GPHN: variants seen among roughly 807,000 people sequenced by gnomAD.
The protein encoded by GPHN is gephyrin.
A neutral mutation model predicts 95.5 loss-of-function variants in GPHN; 17 were observed. That is an observed-to-expected ratio of 0.18 (90% CI 0.12 to 0.27). GPHN has a LOEUF of 0.27. GPHN is among the 10% of genes least tolerant of loss of function. The pLI, the probability that GPHN is intolerant of heterozygous loss-of-function variation, is 1.00. For synonymous variants in GPHN, 320 were observed against 322.5 expected (o/e 0.99, Z 0.08); for missense variants, 660 against 978.1 (o/e 0.67, Z 4.34).
chr14:67,421,010 T>A, the GPHN span, among the ~76,000 whole-genome samples: 1 of 152,278 alleles, frequency 6.6e-6, no homozygotes, highest in East Asian at 1.9e-4. Flanking sequence ...AGGGACCACA[T>A]CTTGAGTGGC....
chr14:67,256,727 A>G, the GPHN span, among the ~76,000 whole-genome samples: 1 of 151,874 alleles, frequency 6.6e-6, no homozygotes, highest in African/African-American at 2.4e-5. Context: ...TTTGTATTTT[A>G]GTAGAGACAG....
chr14:66,936,380 A>G (rs1452900576), intron 8 of GPHN, among the ~76,000 whole-genome samples: 1 of 152,150 alleles, frequency 6.6e-6, no homozygotes, highest in Non-Finnish European at 1.5e-5. Flanking sequence ...CATCTCAAAA[A>G]AAAAAAGAAA....
the GPHN span, among the ~76,000 whole-genome samples, chr14:67,389,039 T>C: frequency 6.6e-6 from 1 of 151,704 alleles, no homozygotes; most frequent in South Asian, 2.1e-4. Context: ...TACACAAATC[T>C]AGTATGTGCC....
chr14:67,266,690 A>T, the GPHN span, among the ~76,000 whole-genome samples: 2 of 152,148 alleles, frequency 1.3e-5, no homozygotes, highest in African/African-American at 4.8e-5. Flanking sequence ...TTCTGCAAAG[A>T]TAGGTCATTC....
At chr14:67,485,826 TGAG>T in the GPHN span, among the ~76,000 whole-genome samples, 96 of 152,318 alleles carry the variant, frequency 6.3e-4, 5 homozygotes, top group Admixed American at 2.0e-4. Flanking sequence ...CTTGTCTCGC[TGAG>T]GAGGAGATGC....
chr14:66,530,499 A>C (rs1162302753), intron 1 of GPHN, among the ~76,000 whole-genome samples: 1 of 152,036 alleles, frequency 6.6e-6, no homozygotes, highest in Non-Finnish European at 1.5e-5. Flanking sequence ...GGGTATGAAA[A>C]AAAAACAAAA....
At chr14:67,225,056 C>T in the GPHN span, 44 of 1,381,078 alleles carry the variant, frequency 3.2e-5, no homozygotes, top group Middle Eastern at 1.8e-4. Context: ...TTTTTTCTTT[C>T]TCACTTCCTC....
intron 2 of GPHN, among the ~76,000 whole-genome samples, chr14:66,751,761 CATTGGCTTCAACTTAA>C (rs1251618590): frequency 6.6e-6 from 1 of 152,086 alleles, no homozygotes; most frequent in Non-Finnish European, 1.5e-5. Flanking sequence ...GGTCAATGAG[CATTGGCTTCAACTTAA>C]AGTCACTAGC....
At chr14:66,514,930 G>A (rs1469308758) in intron 1 of GPHN, among the ~76,000 whole-genome samples, 1 of 152,010 alleles carries the variant, frequency 6.6e-6, no homozygotes, top group East Asian at 1.9e-4. Flanking sequence ...AGATAGACTT[G>A]GACTTCAGAC....
chr14:67,356,652 C>G, the GPHN span, among the ~76,000 whole-genome samples: 1 of 152,170 alleles, frequency 6.6e-6, no homozygotes, highest in Non-Finnish European at 1.5e-5. Flanking sequence ...TTGAACCAGA[C>G]TTTTGATTCC....
At chr14:66,887,994 C>T (rs866421051) in intron 5 of GPHN, among the ~76,000 whole-genome samples, 6 of 152,058 alleles carry the variant, frequency 3.9e-5, no homozygotes, top group African/African-American at 1.4e-4. Flanking sequence ...AGAATGGACA[C>T]AGCTGAGGAA....
the GPHN span, chr14:67,647,972 C>T: frequency 7.1e-7 from 1 of 1,406,186 alleles, no homozygotes; most frequent in Non-Finnish European, 9.7e-7. Flanking sequence ...GAGTTGCAAC[C>T]ATAAGAAGGA....
intron 11 of GPHN, among the ~76,000 whole-genome samples, chr14:67,081,305 T>G (rs533928673): frequency 2.0e-5 from 3 of 152,324 alleles, no homozygotes; most frequent in African/African-American, 7.2e-5. Flanking sequence ...TGGCCATTCT[T>G]GCAAGAGTAA....
At chr14:67,607,430 G>A in the GPHN span, among the ~76,000 whole-genome samples, 2 of 152,102 alleles carry the variant, frequency 1.3e-5, no homozygotes, top group African/African-American at 2.4e-5. Flanking sequence ...CCAGTGGCGC[G>A]ATCTCGGCTC....
At chr14:67,364,718 A>G in the GPHN span, 1 of 1,489,078 alleles carries the variant, frequency 6.7e-7, no homozygotes. Flanking sequence ...TTTTTTTTTT[A>G]TTTTCACCTT....
intron 3 of GPHN, among the ~76,000 whole-genome samples, chr14:66,807,033 A>G (rs954982189): frequency 1.3e-5 from 2 of 152,240 alleles, no homozygotes; most frequent in East Asian, 3.8e-4. Context: ...AAACATTAAA[A>G]AAAGAGAGAC....
the GPHN span, chr14:67,392,572 C>T: frequency 6.9e-6 from 9 of 1,306,806 alleles, no homozygotes; most frequent in Admixed American, 3.7e-5. Context: ...CCAAGGTCTC[C>T]TCCCATGACT....
the GPHN span, among the ~76,000 whole-genome samples, chr14:67,257,986 C>T: frequency 6.6e-6 from 1 of 151,714 alleles, no homozygotes; most frequent in African/African-American, 2.4e-5. Context: ...CTACTTCATT[C>T]GATTGTCATT....
At chr14:66,587,664 A>G (rs534076150) in intron 1 of GPHN, among the ~76,000 whole-genome samples, 1 of 152,322 alleles carries the variant, frequency 6.6e-6, no homozygotes, top group Non-Finnish European at 1.5e-5. Context: ...ATTTGACAAA[A>G]TCTAAAATAT....
Sources: allele counts gnomAD v4.1 joint callset (sites outside exome capture counted in the v4.1 genomes callset), GRCh38; gene constraint gnomAD v4.1.1; transcripts MANE v1.5; gene names NCBI Gene and HGNC (gene_info 2026-07-23, HGNC 2026-07-21).